Variants in ZNF883 observed in about 807,000 individuals in gnomAD.
ZNF883 encodes the protein zinc finger protein 883.
chr9:112,997,492 C>G (rs757201639), exon 1 of ZNF883: 3 of 1,613,966 alleles, frequency 1.9e-6, no homozygotes, highest in Non-Finnish European at 2.5e-6. Flanking sequence ...TATGAGTTCT[C>G]TGGTGTTCAG....
chr9:113,000,280 G>A (rs1828410358), upstream of ZNF883, among the ~76,000 whole-genome samples: 1 of 152,000 alleles, frequency 6.6e-6, no homozygotes, highest in South Asian at 2.1e-4. Flanking sequence ...GAAACCAGAG[G>A]CAAAAAACCA....
At chr9:112,991,363 GGTT>G (rs1236773713) in intron 1 of ZNF883, among the ~76,000 whole-genome samples, 1 of 152,116 alleles carries the variant, frequency 6.6e-6, no homozygotes, top group Non-Finnish European at 1.5e-5. Context: ...TTCAGGAGAA[GGTT>G]GTTCAATTTC....
chr9:113,007,243 A>T (rs190045854), intron 2 of ZNF883, among the ~76,000 whole-genome samples: 1 of 152,384 alleles, frequency 6.6e-6, no homozygotes, highest in Admixed American at 6.5e-5. Flanking sequence ...GACGGGGTAG[A>T]TGTTTTAATG....
chr9:113,010,098 T>C (rs965492370), intron 2 of ZNF883, among the ~76,000 whole-genome samples: 1 of 140,690 alleles, frequency 7.1e-6, no homozygotes, highest in Non-Finnish European at 1.5e-5. Flanking sequence ...AGGCAGAAAC[T>C]TTGTGTTATT....
chr9:112,997,974 G>T (rs1200843187), exon 1 of ZNF883: 1 of 1,613,656 alleles, frequency 6.2e-7, no homozygotes, highest in African/African-American at 1.3e-5. Context: ...CACTCATAAG[G>T]TTTCTCCCCA....
intron 1 of ZNF883, among the ~76,000 whole-genome samples, chr9:112,989,805 G>A (rs1222236273): frequency 6.6e-6 from 1 of 152,096 alleles, no homozygotes; most frequent in Non-Finnish European, 1.5e-5. Context: ...TTGAGCAGTG[G>A]TTTGTAGTCT....
upstream of ZNF883, among the ~76,000 whole-genome samples, chr9:113,001,445 G>A (rs934251883): frequency 6.6e-6 from 1 of 152,054 alleles, no homozygotes; most frequent in Admixed American, 6.6e-5. Flanking sequence ...CTGAGATCAA[G>A]AGATATGTGA....
At chr9:112,988,853 C>T (rs898552453) in intron 1 of ZNF883, among the ~76,000 whole-genome samples, 6 of 151,480 alleles carry the variant, frequency 4.0e-5, no homozygotes, top group Non-Finnish European at 1.5e-5. Flanking sequence ...GATGGCATCT[C>T]GTGGTTTTGA....
At chr9:112,990,372 C>T (rs1446961049) in intron 1 of ZNF883, among the ~76,000 whole-genome samples, 2 of 152,146 alleles carry the variant, frequency 1.3e-5, no homozygotes, top group Non-Finnish European at 2.9e-5. Flanking sequence ...TTGAGATAAT[C>T]ATGTGGTTTT....
chr9:113,004,114 CAT>C (rs1828453177), intron 2 of ZNF883, among the ~76,000 whole-genome samples: 1 of 152,164 alleles, frequency 6.6e-6, no homozygotes, highest in African/African-American at 2.4e-5. Flanking sequence ...CACAGAAAGT[CAT>C]GTGATGAAAG....
At chr9:112,999,756 G>C (rs1390419936), upstream of ZNF883, 1 of 152,246 alleles carries the variant, frequency 6.6e-6, no homozygotes, top group Non-Finnish European at 1.5e-5. Flanking sequence ...AAGGGGTATA[G>C]AGCTTCCACA....
At chr9:112,997,985 G>A in exon 1 of ZNF883, 4 of 1,613,784 alleles carry the variant, frequency 2.5e-6, no homozygotes, top group Non-Finnish European at 3.4e-6. Flanking sequence ...TTTCTCCCCA[G>A]TATGGACTCT....
upstream of ZNF883, among the ~76,000 whole-genome samples, chr9:113,002,713 A>G (rs1214568631): frequency 1.3e-5 from 2 of 152,218 alleles, no homozygotes; most frequent in Non-Finnish European, 2.9e-5. Context: ...GCCATGTGCT[A>G]TATTCTAAAT....
chr9:113,003,564 CAT>C (rs1462090256), intron 2 of ZNF883, among the ~76,000 whole-genome samples: 1 of 142,152 alleles, frequency 7.0e-6, no homozygotes, highest in East Asian at 2.1e-4. Context: ...AGCGGTCTAA[CAT>C]ATAAGTGGAG....
chr9:112,995,635 A>G (rs554086986), downstream of ZNF883, among the ~76,000 whole-genome samples: 2 of 152,094 alleles, frequency 1.3e-5, no homozygotes, highest in East Asian at 3.9e-4. Context: ...CAATATAAGG[A>G]ATTTTCTAAC....
chr9:112,994,877 T>C (rs1278164198), downstream of ZNF883, among the ~76,000 whole-genome samples: 1 of 152,202 alleles, frequency 6.6e-6, no homozygotes, highest in Non-Finnish European at 1.5e-5. Context: ...TTTTCTCTAA[T>C]TGGATTACCT....
chr9:113,005,290 A>T (rs1345206732), intron 2 of ZNF883, among the ~76,000 whole-genome samples: 1 of 152,184 alleles, frequency 6.6e-6, no homozygotes, highest in Admixed American at 6.5e-5. Context: ...AAAAAGGACC[A>T]TTTTCTGTAT....
At chr9:113,006,075 T>G (rs1828472312) in intron 2 of ZNF883, among the ~76,000 whole-genome samples, 1 of 142,500 alleles carries the variant, frequency 7.0e-6, no homozygotes, top group Non-Finnish European at 1.5e-5. Context: ...CCTATTTCTC[T>G]AAAAGTTCAA....
chr9:113,004,771 C>T lies in ZNF883; in HGVS notation n.166-2698G>A, dbSNP rs541281755. Among the ~76,000 whole-genome samples, 88 of 149,934 alleles carry T rather than the reference C, an allele frequency of 5.9e-4. 1 individual carries two copies. The South Asian group carries it at 0.016, about 27-fold the overall frequency. ...CACCTATATAATACATGAAAAAAGA[C>T]GAGGATTGAGGGTGGGGACTTGCCC... On this transcript the variant is annotated intron_variant and non_coding_transcript_variant, in intron 2 of 4. Coordinates refer to the ZNF883 transcript ENST00000638622.
Sources: allele counts gnomAD v4.1 joint callset (sites outside exome capture counted in the v4.1 genomes callset), GRCh38; gene constraint gnomAD v4.1.1; transcripts MANE v1.5; gene names NCBI Gene and HGNC (gene_info 2026-07-23, HGNC 2026-07-21).